The following MATN3 variants were observed in gnomAD, a reference collection of about 807,000 sequenced individuals.
The protein encoded by MATN3 is matrilin 3.
In MATN3, 48 loss-of-function variants were observed where a neutral mutation model predicts 45.3. That is an observed-to-expected ratio of 1.06 (90% CI 0.84 to 1.35). The LOEUF is 1.35. Ranked by LOEUF, MATN3 falls within the 40% of genes most tolerant of loss-of-function variation. The pLI is 0.00. For missense variants in MATN3, 599 were observed against 628.0 expected (o/e 0.95, Z 0.49); for synonymous variants, 217 against 245.9 (o/e 0.88, Z 1.10).
chr2:19,994,133 AC>A (rs1051358615), intron 7 of MATN3, among the ~76,000 whole-genome samples, 165 bp downstream of exon 7: 25 of 152,332 alleles, frequency 1.6e-4, no homozygotes, highest in African/African-American at 6.0e-4. Context: ...AGTCTATTAA[AC>A]CATTAGAAAA....
In MATN3 at chr2:19,992,994, A is replaced by T; in HGVS notation, c.*117T>A. 2.5e-6 allele frequency: 2 copies of T among 788,338 alleles called. No individual in the cohort carries two copies. Among genetic ancestry groups the T allele is most frequent in the Non-Finnish European group, 4.4e-6 (2 of 452,766 alleles). 48.8% of individuals were successfully genotyped at this position (788,338 alleles called of 1,614,324 possible). ...ATTTATCCAGTAATATTCAAGCATT[A>T]ATACAGATAATGGCAAATTATTAGC... is the stretch of plus-strand genomic sequence containing the variant. On this transcript the variant is annotated 3_prime_UTR_variant, in exon 8 of 8. Transcript: ENST00000407540.
At chr2:20,007,574 T>C (rs1430978079) in intron 1 of MATN3, among the ~76,000 whole-genome samples, 1 of 152,212 alleles carries the variant, frequency 6.6e-6, no homozygotes, top group East Asian at 1.9e-4. Flanking sequence ...CTTGTATCTG[T>C]TTAGTGAGCT....
At chr2:19,998,581 C>A (rs1028966022) in intron 5 of MATN3, among the ~76,000 whole-genome samples, 3 of 152,046 alleles carry the variant, frequency 2.0e-5, no homozygotes, top group Non-Finnish European at 4.4e-5. Context: ...AATGTCAAAA[C>A]CCCATCTCTA....
intron 2 of MATN3, 148 bp downstream of exon 2, chr2:20,005,595 CA>C (rs1324641777): frequency 4.5e-6 from 3 of 671,222 alleles, no homozygotes; most frequent in Admixed American, 3.0e-5. Flanking sequence ...CACACGCGCG[CA>C]TGCACACGTG....
At position 20,007,301 on chromosome 2, in the gene MATN3, G is replaced by A. The variant is rs552445720; in HGVS notation, c.224-991C>T. 6.6e-5 allele frequency among the ~76,000 whole-genome samples: 10 copies of A among 152,254 alleles called. No homozygotes were observed. The South Asian group carries it at 1.9e-3, about 28-fold the overall frequency. On this transcript the variant is annotated intron_variant, in intron 1 of 7. Transcript: ENST00000407540. Reference sequence around the variant, plus strand: ...CCCAACACTGTGGGAGGCCGAGGCGGGAGGATCACCTGAGGTCAGGAGTTT... The same window carrying A: ...CCCAACACTGTGGGAGGCCGAGGCGAGAGGATCACCTGAGGTCAGGAGTTT...
At chr2:19,997,592 A>G (rs942352514) in intron 5 of MATN3, 9 of 170,710 alleles carry the variant, frequency 5.3e-5, no homozygotes, top group South Asian at 1.7e-4. Context: ...ATGACTATCA[A>G]TGCTTCTAGC....
At chr2:20,001,047 A>G (rs1276904228) in intron 4 of MATN3, among the ~76,000 whole-genome samples, 2 of 152,184 alleles carry the variant, frequency 1.3e-5, no homozygotes, top group African/African-American at 4.8e-5. Flanking sequence ...TTTTCATTCA[A>G]TGCACTTTCC....
intron 6 of MATN3, among the ~76,000 whole-genome samples, chr2:19,996,173 C>T (rs1223512228): frequency 4.6e-5 from 7 of 152,004 alleles, no homozygotes; most frequent in African/African-American, 1.7e-4. Context: ...TCTCAAACTC[C>T]ATTTCTCAAA....
At chr2:20,010,067 T>TAAAAAAAAAAAAAGAAAA in intron 1 of MATN3, among the ~76,000 whole-genome samples, 1 of 68,706 alleles carries the variant, frequency 1.5e-5, no homozygotes, top group South Asian at 7.3e-4. Flanking sequence ...CTTCAAATAC[T>TAAAAAAAAAAAAAGAAAA]AAAAAAAAAA....
At chr2:20,010,090 A>AAAAAAAAAAAAAAAAT (rs1673191576) in intron 1 of MATN3, among the ~76,000 whole-genome samples, 1 of 143,594 alleles carries the variant, frequency 7.0e-6, no homozygotes, top group Non-Finnish European at 1.5e-5. Context: ...AAAAAAAAAA[A>AAAAAAAAAAAAAAAAT]CCTCCAGAAT....
intron 6 of MATN3, among the ~76,000 whole-genome samples, chr2:19,996,174 A>G (rs1672861780): frequency 6.6e-6 from 1 of 152,156 alleles, no homozygotes; most frequent in South Asian, 2.1e-4. Flanking sequence ...CTCAAACTCC[A>G]TTTCTCAAAC....
chr2:20,001,982 A>T lies in MATN3; in HGVS notation c.1015T>A (p.Leu339Met), dbSNP rs1572383491. Residue 339 changes from leucine to methionine, a missense_variant, in exon 4 of 8, where the codon TTG (leucine) becomes ATG (methionine). Leu to Met is a conservative substitution (Grantham distance 15, BLOSUM62 2). Transcript: ENST00000407540. ...GAACAAGTTTTCCTGTCTTCATTCA[A>T]GGTATAACCTTCATAGCACTCACAA... ...YHCECYEGYT[L>M]NEDRKTCSAQ... is the part of the protein sequence containing the mutation. 8.1e-6 allele frequency: 13 copies of T among 1,613,614 alleles called. No individual in the cohort carries two copies. The highest frequency in any genetic ancestry group is 2.7e-5 in the African/African-American group (2 of 75,060).
Position 20,002,424 on chromosome 2 carries a change from T to A in MATN3, c.917-344A>T, listed in dbSNP as rs189427184. On this transcript the variant is annotated intron_variant, in intron 3 of 7. Coordinates refer to ENST00000407540, the MANE Select transcript of MATN3 (RefSeq NM_002381.5). Reference sequence around the variant, plus strand: ...ATTCCCATTCCTCATTGACTCCATGTATGTATCTATGTACCAGACCAGTGA... The same window carrying A: ...ATTCCCATTCCTCATTGACTCCATGAATGTATCTATGTACCAGACCAGTGA... 2.1e-3 allele frequency among the ~76,000 whole-genome samples: 326 copies of A among 152,328 alleles called. 2 individuals carry two copies. Among genetic ancestry groups the A allele is most frequent in the Admixed American group, 4.4e-3 (67 of 15,302 alleles).
In MATN3 at chr2:20,012,618, G is replaced by T. The variant is rs1252239426; in HGVS notation, c.14C>A (p.Ala5Asp). The change falls in exon 1 of 8, where the codon GCC becomes GAC. Residue 5 changes from alanine to aspartate, a missense_variant. Ala to Asp is a moderately radical substitution (Grantham distance 126, BLOSUM62 -2). Transcript: ENST00000407540. This position sits in a 1 kb window ranked among gnomAD's most constrained non-coding sequence, Gnocchi z 4.3. ...GAGTCCCGGGAGGCGGCGCGCGGGG[G>T]CCGGGCGCGGCATGGTGGGCTCCGT... The part of the protein sequence containing the change: MPRP[A>D]PARRLPGLLL... 6.6e-6 allele frequency: 8 copies of T among 1,216,468 alleles called. No homozygotes were observed. The highest frequency in any genetic ancestry group is 8.2e-6 in the Non-Finnish European group (8 of 978,230). 75.4% of individuals were successfully genotyped at this position (1,216,468 alleles called of 1,614,324 possible).
intron 6 of MATN3, among the ~76,000 whole-genome samples, chr2:19,996,328 TAAAG>T: frequency 6.6e-6 from 1 of 152,052 alleles, no homozygotes; most frequent in East Asian, 1.9e-4. Context: ...TGAAAGAAAT[TAAAG>T]AAGACCTAAA....
intron 2 of MATN3, chr2:20,003,905 A>G (rs1673041719): frequency 1.3e-5 from 2 of 152,264 alleles, no homozygotes; most frequent in Non-Finnish European, 2.9e-5. Flanking sequence ...CTCATATGCT[A>G]ATACAAACAG....
rs1338730024 is a variant in MATN3 at position 19,995,815 on chromosome 2, A to T, written c.1294+1319T>A. ...CCTTTGCTGCAACATTTTTACTCTTAACATTTTACAAAGATCCAATATAGG... is the reference window on the plus strand; with the variant it reads ...CCTTTGCTGCAACATTTTTACTCTTTACATTTTACAAAGATCCAATATAGG... On this transcript the variant is annotated intron_variant, in intron 6 of 7. Coordinates refer to ENST00000407540, the MANE Select transcript of MATN3 (RefSeq NM_002381.5). This position sits in a 1 kb window ranked among gnomAD's most constrained non-coding sequence, Gnocchi z 4.2. 6.6e-6 allele frequency among the ~76,000 whole-genome samples: 1 copy of T among 152,196 alleles called. No individual in the cohort carries two copies. Among genetic ancestry groups the T allele is most frequent in the East Asian group, 1.9e-4 (1 of 5,194 alleles).
chr2:20,010,498 G>A (rs1439458024), intron 1 of MATN3, among the ~76,000 whole-genome samples: 2 of 152,170 alleles, frequency 1.3e-5, no homozygotes, highest in Non-Finnish European at 2.9e-5. Flanking sequence ...TACACAAGAG[G>A]TTATCCTGGA....
intron 1 of MATN3, 74 bp from the exon 2 acceptor site, chr2:20,006,384 TCCAG>T: frequency 1.6e-6 from 2 of 1,222,318 alleles, no homozygotes; most frequent in Non-Finnish European, 2.2e-6. Context: ...ACTCTGGGAT[TCCAG>T]GAGGCCAGGC....
Sources: gnomAD v4.1 joint callset for allele counts (sites outside exome capture counted in the v4.1 genomes callset) on GRCh38, gnomAD v4.1.1 for gene constraint, Gnocchi (gnomAD v3.1) non-coding constraint, MANE v1.5 for transcripts, NCBI Gene and HGNC (gene_info 2026-07-23, HGNC 2026-07-21) for gene names.